Variants in PPCS observed in about 807,000 individuals in gnomAD.
PPCS encodes phosphopantothenate--cysteine ligase.
In PPCS, 17 loss-of-function variants were observed where a neutral mutation model predicts 24.6. That is an observed-to-expected ratio of 0.69 (90% confidence interval 0.47 to 1.04). The LOEUF is 1.04. Ranked by LOEUF, PPCS falls within the 50% of genes least tolerant of loss-of-function variation. The pLI is 0.00. For missense variants in PPCS, 360 were observed against 402.8 expected, an observed-to-expected ratio of 0.89 and a Z score of 0.91; for synonymous variants, 190 against 168.3, an observed-to-expected ratio of 1.13 and a Z score of -1.00.
At chr1:42,458,773 C>T (rs775961159) in intron 2 of PPCS, among the ~76,000 whole-genome samples, 2 of 152,060 alleles carry the variant, frequency 1.3e-5, no homozygotes, top group Non-Finnish European at 2.9e-5. Context: ...CTGAACATTA[C>T]CCTGAGAAGG....
chr1:42,473,311 C>A, exon 3 of PPCS: 1 of 1,213,412 alleles, frequency 8.2e-7, no homozygotes, highest in Non-Finnish European at 1.0e-6. Flanking sequence ...GAAGTGAGAA[C>A]TAATAGCATA....
Position 42,460,776 on chromosome 1 carries a change from A to G in PPCS, c.*850A>G, listed in dbSNP as rs1338433386. Among the ~76,000 whole-genome samples the G allele has an allele frequency of 8.5e-5, 13 of 152,232 alleles. No homozygotes were observed. The highest frequency in any genetic ancestry group is 2.0e-4 in the Admixed American group (3 of 15,284). On this transcript the variant is annotated 3_prime_UTR_variant, in exon 3 of 3. Coordinates refer to ENST00000372561, the MANE Select transcript of PPCS (RefSeq NM_024664.4). ...CAGTGTCCACATGCATAAAATGAGG[A>G]TAATCTCTCTGCAAAGTAATGCCAT...
At chr1:42,456,478 T>C (rs956464809), upstream of PPCS, 3 of 1,368,746 alleles carry the variant, frequency 2.2e-6, no homozygotes, top group African/African-American at 3.0e-5. Context: ...GCCCACTCAG[T>C]ACGGCGCGGC....
At chr1:42,473,179 C>T (rs1157389471) in exon 3 of PPCS, 1 of 1,230,918 alleles carries the variant, frequency 8.1e-7, no homozygotes, top group African/African-American at 1.6e-5. Flanking sequence ...AATCAATCCC[C>T]TTGCTACTAC....
downstream of PPCS, chr1:42,463,377 A>G (rs1643467654): frequency 6.6e-6 from 1 of 152,230 alleles, no homozygotes; most frequent in Non-Finnish European, 1.5e-5. Context: ...CACCCTCCGC[A>G]GGAAAATTTC....
chr1:42,466,372 C>T (rs1257336522), intron 2 of PPCS, among the ~76,000 whole-genome samples: 4 of 152,286 alleles, frequency 2.6e-5, no homozygotes, highest in East Asian at 1.9e-4. Context: ...GTCCTCTTCT[C>T]GTTTAAAATT....
At chr1:42,468,174 A>G (rs1643651563) in intron 2 of PPCS, among the ~76,000 whole-genome samples, 2 of 152,248 alleles carry the variant, frequency 1.3e-5, no homozygotes, top group Non-Finnish European at 2.9e-5. Flanking sequence ...GCCCAAAATA[A>G]TAATGCGTTG....
intron 2 of PPCS, among the ~76,000 whole-genome samples, chr1:42,471,208 A>C (rs1196847668): frequency 6.6e-6 from 1 of 152,132 alleles, no homozygotes; most frequent in East Asian, 1.9e-4. Flanking sequence ...GTACCGTCCT[A>C]CTGATCAGCA....
At chr1:42,468,180 C>G (rs1017062497) in intron 2 of PPCS, among the ~76,000 whole-genome samples, 1 of 152,052 alleles carries the variant, frequency 6.6e-6, no homozygotes, top group African/African-American at 2.4e-5. Context: ...AATAATAATG[C>G]GTTGAAAAAG....
intron 2 of PPCS, 156 bp from the exon 3 acceptor site, chr1:42,459,447 A>G (rs1643342892): frequency 1.4e-6 from 1 of 701,734 alleles, no homozygotes; most frequent in African/African-American, 1.8e-5. Context: ...AGGCCAAGCC[A>G]CTGTGTTCCC....
Position 42,460,217 on chromosome 1 carries a change from A to C in PPCS, c.*291A>C. 1 of 1,095,802 alleles carries C rather than the reference A, an allele frequency of 9.1e-7. No homozygotes were observed. Among genetic ancestry groups the C allele is most frequent in the Non-Finnish European group, 1.1e-6 (1 of 899,632 alleles). The allele number at this position is 1,095,802 out of a possible 1,614,324, so 67.9% of individuals were successfully genotyped here. ...GGGCCTGAATGTCAGCCATCTTTATACTATAGAAAAAGGATTATGGATGCA... is the reference window on the plus strand; with the variant it reads ...GGGCCTGAATGTCAGCCATCTTTATCCTATAGAAAAAGGATTATGGATGCA... On this transcript the variant is annotated 3_prime_UTR_variant, in exon 3 of 3. Coordinates refer to ENST00000372561, the MANE Select transcript of PPCS (RefSeq NM_024664.4).
At chr1:42,457,185 G>GA in intron 1 of PPCS, 62 bp from the exon 2 acceptor site, 1 of 1,607,382 alleles carries the variant, frequency 6.2e-7, no homozygotes, top group Middle Eastern at 1.7e-4. Flanking sequence ...CCCGAGTTGA[G>GA]AAGGAGCTGA....
In PPCS at chr1:42,456,665, G is replaced by A; in HGVS notation, c.100G>A (p.Gly34Ser). The change falls in exon 1 of 3, where the codon GGC becomes AGC. Residue 34 changes from glycine to serine, a missense_variant. Gly to Ser is a moderately conservative substitution (Grantham distance 56). Transcript: ENST00000372561. ...CTTCGCGGCCAGGCTGGGCGCGCAG[G>A]GCCGGCGGGTGGTGTTGGTTACGTC... ...ARFAARLGAQ[G>S]RRVVLVTSGG... 1 of 1,601,492 alleles carries A rather than the reference G, an allele frequency of 6.2e-7. No homozygotes were observed. The highest frequency in any genetic ancestry group is 8.5e-7 in the Non-Finnish European group (1 of 1,175,990).
downstream of PPCS, chr1:42,463,352 C>G (rs1351507593): frequency 6.6e-6 from 1 of 152,252 alleles, no homozygotes; most frequent in African/African-American, 2.4e-5. Flanking sequence ...CCGAGCGACC[C>G]CGGGACGCTC....
At position 42,459,643 on chromosome 1, in the gene PPCS, T is replaced by G. The variant is rs765555893; in HGVS notation, c.653T>G (p.Val218Gly). The part of the protein sequence containing the change: ...KMVPKLLSPL[V>G]KDWAPKAFII... ...GTGCCAAAACTGCTTTCTCCTTTGG[T>G]TAAAGATTGGGCTCCCAAAGCATTT... is the stretch of plus-strand genomic sequence containing the variant. The change falls in exon 3 of 3, where the codon GTT becomes GGT. Residue 218 changes from valine (V) to glycine (G), a missense_variant. By Grantham distance (109) the Val-to-Gly change is moderately radical. Around this residue, in one of 2 missense-constraint regions of PPCS, gnomAD observed 116 missense variants for 168.1 expected, o/e 0.69. Transcript: ENST00000372561. 2 of 1,614,094 alleles carry G rather than the reference T, an allele frequency of 1.2e-6. No homozygotes were observed. Among genetic ancestry groups the G allele is most frequent in the Admixed American group, 1.7e-5 (1 of 60,018 alleles).
Position 42,460,963 on chromosome 1 carries a change from A to G in PPCS, c.*1037A>G, listed in dbSNP as rs2148423265. On this transcript the variant is annotated 3_prime_UTR_variant, in exon 3 of 3. Coordinates refer to ENST00000372561, the MANE Select transcript of PPCS (RefSeq NM_024664.4). The stretch of plus-strand genomic sequence containing the variant: ...TCTTTGAATCCTTGAGAATCTTTGA[A>G]AAACTTTCAATACTTCTCTTGCTGT... 6.6e-6 allele frequency among the ~76,000 whole-genome samples: 1 copy of G among 152,362 alleles called. No individual in the cohort carries two copies. The highest frequency in any genetic ancestry group is 2.4e-5 in the African/African-American group (1 of 41,584).
At chr1:42,470,357 G>C (rs1356833711) in intron 2 of PPCS, among the ~76,000 whole-genome samples, 1 of 152,028 alleles carries the variant, frequency 6.6e-6, no homozygotes, top group African/African-American at 2.4e-5. Context: ...GACCTGCATT[G>C]CTGGTAGGAA....
Position 42,460,238 on chromosome 1 carries a change from A to T in PPCS, c.*312A>T. 1 of 1,051,206 alleles carries T rather than the reference A, an allele frequency of 9.5e-7. No individual in the cohort carries two copies. The highest frequency in any genetic ancestry group is 1.7e-5 in the African/African-American group (1 of 59,528). The allele number at this position is 1,051,206 out of a possible 1,614,324, so 65.1% of individuals were successfully genotyped here. On this transcript the variant is annotated 3_prime_UTR_variant, in exon 3 of 3. Transcript: ENST00000372561. ...TTATACTATAGAAAAAGGATTATGG[A>T]TGCATGAATGGTCATGCTTTGGAGA...
upstream of PPCS, chr1:42,456,445 T>C (rs1000546667): frequency 3.8e-6 from 4 of 1,050,138 alleles, no homozygotes; most frequent in Admixed American, 3.3e-5. Flanking sequence ...CGGGACCTAG[T>C]GTCAAAAGAA....
Sources: gnomAD v4.1 joint callset for allele counts (sites outside exome capture counted in the v4.1 genomes callset) on GRCh38, gnomAD v4.1.1 for gene constraint, gnomAD v4.1.1 regional missense constraint, MANE v1.5 for transcripts, NCBI Gene and HGNC (gene_info 2026-07-23, HGNC 2026-07-21) for gene names.